The following DYNC1I1 variants were observed in gnomAD, a reference collection of about 807,000 sequenced individuals.
DYNC1I1 encodes the protein dynein cytoplasmic 1 intermediate chain 1, also known as cytoplasmic dynein 1 intermediate chain 1.
Under a neutral mutation model 86.6 loss-of-function variants are expected in DYNC1I1, and 43 were observed. The ratio of observed to expected loss-of-function variants is 0.50; its 90% CI spans 0.39 to 0.64. The LOEUF (loss-of-function observed/expected upper bound fraction) is 0.64. DYNC1I1 is among the 30% of genes least tolerant of loss of function. The pLI is 0.00. For synonymous variants in DYNC1I1, 262 were observed against 283.7 expected (o/e 0.92, Z 0.77); for missense variants, 604 against 788.8 (o/e 0.77, Z 2.81).
At chr7:95,801,984 AC>A (rs1794588969) in intron 1 of DYNC1I1, among the ~76,000 whole-genome samples, 1 of 152,022 alleles carries the variant, frequency 6.6e-6, no homozygotes, top group Admixed American at 6.6e-5. Flanking sequence ...GCCCTCAGTC[AC>A]GGCTCTGCTT....
chr7:96,108,083 G>C (rs1791246595), intron 16 of DYNC1I1, among the ~76,000 whole-genome samples: 1 of 151,982 alleles, frequency 6.6e-6, no homozygotes, highest in South Asian at 2.1e-4. Flanking sequence ...CATGATGTAT[G>C]ATATAAGCTA....
chr7:96,098,059 TAGA>T lies in DYNC1I1; in HGVS notation c.*471_*473del, dbSNP rs1791068861. ...TGACTCACATTATGAATGGATTTAC[TAGA>T]AGAACATTGCTGCTCCTTATTTATT... On this transcript the variant is annotated 3_prime_UTR_variant, in exon 17 of 17. Coordinates refer to ENST00000447467, the MANE Select transcript of DYNC1I1 (RefSeq NM_001135556.2). The T allele has an allele frequency of 2.0e-6, 2 of 989,040 alleles. No homozygotes were observed. The highest frequency in any genetic ancestry group is 1.2e-6 in the Non-Finnish European group (1 of 831,870). 61.3% of individuals were successfully genotyped at this position (989,040 alleles called of 1,614,324 possible). A position where few individuals can be genotyped will look rare whatever the true frequency, so the allele number is the denominator to read the frequency against.
chr7:96,057,177 A>G (rs1789601644), intron 14 of DYNC1I1, among the ~76,000 whole-genome samples: 1 of 152,146 alleles, frequency 6.6e-6, no homozygotes, highest in Non-Finnish European at 1.5e-5. Context: ...AACCCCTTAA[A>G]GTTTCTGGGT....
intron 16 of DYNC1I1, among the ~76,000 whole-genome samples, chr7:96,108,591 C>T (rs188307010): frequency 2.6e-3 from 392 of 151,958 alleles, no homozygotes; most frequent in Non-Finnish European, 3.9e-3. Context: ...AGGCCAGGCG[C>T]GGTGGCTCAC....
At chr7:95,972,268 G>A (rs545073484) in intron 6 of DYNC1I1, among the ~76,000 whole-genome samples, 2 of 152,154 alleles carry the variant, frequency 1.3e-5, no homozygotes, top group South Asian at 2.1e-4. Context: ...TTGAAAAAGC[G>A]TGGGGACCGA....
At chr7:95,827,152 A>C (rs1795218694) in intron 4 of DYNC1I1, among the ~76,000 whole-genome samples, 1 of 152,210 alleles carries the variant, frequency 6.6e-6, no homozygotes, top group Non-Finnish European at 1.5e-5. Flanking sequence ...CTTATTAAAC[A>C]GCACGCTCAA....
chr7:96,016,092 C>T (rs895201942), intron 10 of DYNC1I1, among the ~76,000 whole-genome samples: 8 of 152,026 alleles, frequency 5.3e-5, no homozygotes, highest in African/African-American at 1.7e-4. Flanking sequence ...CTTTGTTGGG[C>T]GTAGGTCTTC....
chr7:96,109,933 A>G (rs766444716), intron 16 of DYNC1I1: 2 of 282,810 alleles, frequency 7.1e-6, no homozygotes, highest in African/African-American at 4.6e-5. Flanking sequence ...TCTTCTATAT[A>G]TGTACTGATT....
At chr7:95,798,120 T>C (rs1330429207) in intron 1 of DYNC1I1, among the ~76,000 whole-genome samples, 1 of 152,208 alleles carries the variant, frequency 6.6e-6, no homozygotes, top group Non-Finnish European at 1.5e-5. Flanking sequence ...TTTGAAGTCC[T>C]TGATAATTTT....
At chr7:95,816,049 G>T (rs76606879) in intron 4 of DYNC1I1, among the ~76,000 whole-genome samples, 6,980 of 149,484 alleles carry the variant, frequency 0.047, 220 homozygotes, top group Non-Finnish European at 0.07. Flanking sequence ...AGACCGTCTT[G>T]CTCCATTGCC....
At chr7:95,810,621 A>G in intron 3 of DYNC1I1, 115 bp downstream of exon 3, 1 of 904,386 alleles carries the variant, frequency 1.1e-6, no homozygotes, top group South Asian at 2.4e-5. Flanking sequence ...TTATTTTTAA[A>G]GACATTCTGT....
Position 95,785,833 on chromosome 7 carries a change from T to C in DYNC1I1, c.-10+13060T>C, listed in dbSNP as rs748299382. Among the ~76,000 whole-genome samples the C allele has an allele frequency of 5.7e-4, 80 of 141,250 alleles. 1 individual carries two copies. Among genetic ancestry groups the C allele is most frequent in the Non-Finnish European group, 9.8e-4 (64 of 65,178 alleles). 92.7% of individuals were successfully genotyped at this position (141,250 alleles called of 152,430 possible). A position where few individuals can be genotyped will look rare whatever the true frequency, so the allele number is the denominator to read the frequency against. On this transcript the variant is annotated intron_variant, in intron 1 of 16. Transcript: ENST00000447467. ...TATATATATATTATATATAACAGTATGAGGAACAGAAAATGGAGAGATTAC... is the reference window on the plus strand; with the variant it reads ...TATATATATATTATATATAACAGTACGAGGAACAGAAAATGGAGAGATTAC...
chr7:96,032,627 T>C (rs541075085), intron 11 of DYNC1I1, 40 bp from the exon 12 acceptor site: 3 of 1,474,160 alleles, frequency 2.0e-6, no homozygotes, highest in African/African-American at 2.8e-5. Context: ...GCATTTCCTC[T>C]TGGATCTGTC....
intron 14 of DYNC1I1, among the ~76,000 whole-genome samples, chr7:96,042,699 C>T (rs2116055883): frequency 6.6e-6 from 1 of 152,242 alleles, no homozygotes; most frequent in Non-Finnish European, 1.5e-5. Context: ...TAAAAAACCT[C>T]TTTGGCCACC....
chr7:95,810,401 C>T lies in DYNC1I1; in HGVS notation c.118C>T (p.Gln40Ter). Reference protein sequence around the residue: ...EERKKKEADMQQKKEPVQDDS... With the variant: ...EERKKKEADM ...TGACGTCTACTTCTAGGCTGATATG[C>T]AGCAGAAGAAAGAACCCGTTCAGGA... The change falls in exon 3 of 17, where the codon CAG (glutamine) becomes TAG (stop). Residue 40 changes from glutamine (Q) to a stop codon, truncating the protein, a stop_gained. Transcript: ENST00000447467. LOFTEE classifies it high-confidence loss of function. 2 of 1,608,418 alleles carry T rather than the reference C, an allele frequency of 1.2e-6. No homozygotes were observed. The highest frequency in any genetic ancestry group is 1.7e-6 in the Non-Finnish European group (2 of 1,177,298).
At chr7:95,861,850 T>A (rs995387928) in intron 5 of DYNC1I1, among the ~76,000 whole-genome samples, 4 of 152,192 alleles carry the variant, frequency 2.6e-5, no homozygotes, top group Admixed American at 2.6e-4. Context: ...CTTGAATCCA[T>A]CCTTCATCTG....
At position 95,934,833 on chromosome 7, in the gene DYNC1I1, A is replaced by G. The variant is rs1791995125; in HGVS notation, c.491-42679A>G. ...ACTAGCAAAATAAAAATATAAGAAT[A>G]TAAATATACACAAAACTACAAAGTA... On this transcript the variant is annotated intron_variant, in intron 6 of 16. Coordinates refer to ENST00000447467, the MANE Select transcript of DYNC1I1 (RefSeq NM_001135556.2). Among the ~76,000 whole-genome samples the G allele has an allele frequency of 3.3e-5, 5 of 152,098 alleles. No individual in the cohort carries two copies. In the South Asian group the frequency reaches 6.2e-4, roughly 19 times the overall value.
In DYNC1I1 at chr7:96,093,798, T is replaced by C. The variant is rs1563003337; in HGVS notation, c.1777-3685T>C. On this transcript the variant is annotated intron_variant, in intron 16 of 16. Coordinates refer to ENST00000447467, the MANE Select transcript of DYNC1I1 (RefSeq NM_001135556.2). The stretch of plus-strand genomic sequence containing the variant: ...TTTAATGGTGTTCCCTTAATTGAAC[T>C]ATACATTTTTAATTGGTCAAAATAA... 4.6e-5 allele frequency among the ~76,000 whole-genome samples: 7 copies of C among 152,294 alleles called. No individual in the cohort carries two copies. In the South Asian group the frequency reaches 1.5e-3, roughly 32 times the overall value.
intron 2 of DYNC1I1, among the ~76,000 whole-genome samples, chr7:95,805,609 T>G (rs1794683895): frequency 6.6e-6 from 1 of 152,196 alleles, no homozygotes; most frequent in African/African-American, 2.4e-5. Context: ...AATGCCTTGT[T>G]GTCATATCAT....
Sources: allele counts gnomAD v4.1 joint callset (sites outside exome capture counted in the v4.1 genomes callset), GRCh38; gene constraint gnomAD v4.1.1; transcripts MANE v1.5; gene names NCBI Gene and HGNC (gene_info 2026-07-23, HGNC 2026-07-21).